The following CCDC57 variants were observed in gnomAD, a reference collection of about 807,000 sequenced individuals.
CCDC57 encodes the protein coiled-coil domain containing 57.
In CCDC57, 118 loss-of-function variants were observed where a neutral mutation model predicts 118.9. That is an observed-to-expected ratio of 0.99 (90% CI 0.86 to 1.16). The LOEUF (loss-of-function observed/expected upper bound fraction) is 1.16. CCDC57 is among the 50% of genes most tolerant of loss of function. The pLI is 0.00. For missense variants in CCDC57, 1,300 were observed against 1,320.7 expected (o/e 0.98, Z 0.24); for synonymous variants, 527 against 532.9 (o/e 0.99, Z 0.15).
chr17:82,193,263 G>A (rs566842203), intron 7 of CCDC57, among the ~76,000 whole-genome samples: 1 of 152,128 alleles, frequency 6.6e-6, no homozygotes, highest in African/African-American at 2.4e-5. Flanking sequence ...CCAAAGCAAG[G>A]CTGGGTGTGG....
exon 16 of CCDC57, chr17:82,151,623 G>A: frequency 2.6e-6 from 4 of 1,550,402 alleles, no homozygotes; most frequent in Non-Finnish European, 3.5e-6. Context: ...TCTTTCTCCA[G>A]GCGGAGGCTG....
chr17:82,161,264 G>A (rs372875658), intron 14 of CCDC57, among the ~76,000 whole-genome samples: 2 of 152,160 alleles, frequency 1.3e-5, no homozygotes, highest in East Asian at 1.9e-4. Context: ...AGGTAAAATC[G>A]TGTGGCTGCT....
rs11871846 is a variant in CCDC57, at chr17:82,142,188, C to T, written c.2456-7994G>A. On this transcript the variant is annotated intron_variant, in intron 16 of 19. Coordinates refer to ENST00000665763, the Ensembl canonical transcript of CCDC57. ...CTTCTTTCTGAAAATTATCTTTTAA[C>T]GCATAGTTAAATAAGTATTGCTGGA... is the stretch of plus-strand genomic sequence containing the variant. 1.8e-3 allele frequency among the ~76,000 whole-genome samples: 279 copies of T among 152,288 alleles called. 2 individuals carry two copies. The highest frequency in any genetic ancestry group is 6.2e-3 in the African/African-American group (259 of 41,560).
intron 17 of CCDC57, among the ~76,000 whole-genome samples, chr17:82,130,499 C>CTTTTTT (rs35413191): frequency 3.7e-4 from 33 of 88,932 alleles, no homozygotes; most frequent in African/African-American, 1.5e-3. Context: ...CCAGACAAAA[C>CTTTTTT]TTTTTTTTTT....
At position 82,161,408 on chromosome 17, in the gene CCDC57, C is replaced by G. The variant is rs560946315; in HGVS notation, c.2040+1792G>C. On this transcript the variant is annotated intron_variant, in intron 14 of 19. Transcript: ENST00000665763. The stretch of plus-strand genomic sequence containing the variant: ...GAGCAATTCCGCTCCCAGGTGTACA[C>G]CCAGGAGAACTGAACTCTGCATAAG... 1.6e-4 allele frequency among the ~76,000 whole-genome samples: 25 copies of G among 152,254 alleles called. No individual in the cohort carries two copies. In the East Asian group the frequency reaches 4.8e-3, roughly 29 times the overall value.
chr17:82,209,772 C>A (rs927065903), intron 1 of CCDC57, among the ~76,000 whole-genome samples: 39 of 152,178 alleles, frequency 2.6e-4, no homozygotes, highest in African/African-American at 9.2e-4. Flanking sequence ...CAGGCGTGAG[C>A]CACTGTACCC....
chr17:82,110,649 A>C (rs1359714166), intron 19 of CCDC57, among the ~76,000 whole-genome samples: 1 of 152,240 alleles, frequency 6.6e-6, no homozygotes, highest in Non-Finnish European at 1.5e-5. Flanking sequence ...TGAAACCAAC[A>C]TCAAAACCTC....
chr17:82,206,630 G>A (rs1051013240), intron 2 of CCDC57, among the ~76,000 whole-genome samples: 4 of 152,160 alleles, frequency 2.6e-5, no homozygotes, highest in Non-Finnish European at 5.9e-5. Context: ...TGTATCCTCT[G>A]TAATACCCTT....
At chr17:82,113,873 A>C (rs1338629919) in intron 19 of CCDC57, 1 of 570,224 alleles carries the variant, frequency 1.8e-6, no homozygotes, top group Non-Finnish European at 3.1e-6. Context: ...TTGAGCCTGG[A>C]AAGTTGAGGC....
At chr17:82,188,408 A>G in exon 8 of CCDC57, 2 of 1,610,924 alleles carry the variant, frequency 1.2e-6, no homozygotes, top group South Asian at 2.2e-5. Flanking sequence ...CAGACGGTCG[A>G]GCTCCTCATG....
At chr17:82,208,946 G>A (rs1429699929) in intron 1 of CCDC57, among the ~76,000 whole-genome samples, 1 of 152,140 alleles carries the variant, frequency 6.6e-6, no homozygotes, top group Non-Finnish European at 1.5e-5. Flanking sequence ...ACAGCTCACT[G>A]CAGCCTCGAA....
At chr17:82,164,182 C>T (rs1468717288) in intron 13 of CCDC57, among the ~76,000 whole-genome samples, 1 of 152,042 alleles carries the variant, frequency 6.6e-6, no homozygotes, top group Non-Finnish European at 1.5e-5. Context: ...GGGAGACCAA[C>T]CTGGCCAATG....
At chr17:82,141,550 A>C (rs575328156) in intron 16 of CCDC57, among the ~76,000 whole-genome samples, 2 of 152,312 alleles carry the variant, frequency 1.3e-5, no homozygotes, top group African/African-American at 2.4e-5. Flanking sequence ...ACTTCTAAGA[A>C]AGCAAACTTA....
intron 13 of CCDC57, among the ~76,000 whole-genome samples, chr17:82,170,760 C>T (rs2044599799): frequency 6.6e-6 from 1 of 152,146 alleles, no homozygotes; most frequent in Admixed American, 6.5e-5. Context: ...GCAGCCCTAG[C>T]CAATCATACG....
rs777008598 is a variant in CCDC57 at position 82,201,679 on chromosome 17, C to T, written c.266G>A (p.Arg89Gln). The change falls in exon 3 of 20, where the codon CGG becomes CAG. Residue 89 changes from arginine (R) to glutamine (Q), a missense_variant. By Grantham distance (43) the Arg-to-Gln change is conservative. Coordinates refer to ENST00000665763, the Ensembl canonical transcript of CCDC57. ...TATCTTGAGCTCGCTCACCTCTGCCCGCCTGGCCTCTTCCCACTCCCTGGC... is the reference window on the plus strand; with the variant it reads ...TATCTTGAGCTCGCTCACCTCTGCCTGCCTGGCCTCTTCCCACTCCCTGGC... 21 of 1,613,294 alleles carry T rather than the reference C, an allele frequency of 1.3e-5. No individual in the cohort carries two copies. In the East Asian group the frequency reaches 1.3e-4, roughly 10 times the overall value.
chr17:82,151,883 C>T, intron 15 of CCDC57, 110 bp from the exon 15 acceptor site: 1 of 853,340 alleles, frequency 1.2e-6, no homozygotes, highest in Non-Finnish European at 1.8e-6. Flanking sequence ...GTGGGCACTG[C>T]TGGCTGTCAC....
chr17:82,147,662 AGGGT>A (rs2040975009), intron 16 of CCDC57, among the ~76,000 whole-genome samples: 2 of 48,864 alleles, frequency 4.1e-5, no homozygotes, highest in African/African-American at 8.6e-5. Context: ...GATACATGGA[AGGGT>A]GGGTGGGTGA....
intron 14 of CCDC57, among the ~76,000 whole-genome samples, chr17:82,159,654 C>T (rs1304796863): frequency 6.6e-6 from 1 of 150,442 alleles, no homozygotes. Flanking sequence ...TAGAGATATA[C>T]AATTTATATT....
intron 16 of CCDC57, among the ~76,000 whole-genome samples, chr17:82,148,357 ATGGATGGG>A (rs1568260252): frequency 1.2e-3 from 1 of 832 alleles, no homozygotes; most frequent in African/African-American, 4.8e-3. Context: ...AGGTGGGTGG[ATGGATGGG>A]TGGATGGGTG....
Sources: gnomAD v4.1 joint callset for allele counts (sites outside exome capture counted in the v4.1 genomes callset) on GRCh38, gnomAD v4.1.1 for gene constraint, MANE v1.5 for transcripts, NCBI Gene and HGNC (gene_info 2026-07-23, HGNC 2026-07-21) for gene names.